The following FAAH2 variants were observed in gnomAD, a reference collection of about 807,000 sequenced individuals.
FAAH2 encodes the protein fatty acid amide hydrolase 2, also known as fatty-acid amide hydrolase 2.
FAAH2 carries 60 observed loss-of-function variants against 36.9 expected under a neutral mutation model. That is an observed-to-expected ratio of 1.63 (90% CI 1.32 to 2.02). FAAH2 has a LOEUF of 2.02. Ranked by LOEUF, FAAH2 falls within the 30% of genes most tolerant of loss-of-function variation. FAAH2 has a pLI of 0.00. For synonymous variants in FAAH2, 214 were observed against 143.8 expected, an observed-to-expected ratio of 1.49 and a Z score of -3.49; for missense variants, 689 against 397.5, an observed-to-expected ratio of 1.73 and a Z score of -6.23.
chrX:57,187,862 G>A, the FAAH2 span, among the ~76,000 whole-genome samples: 23 of 111,550 alleles, frequency 2.1e-4, no homozygotes, highest in Admixed American at 6.7e-4. Flanking sequence ...GATTGATTAC[G>A]TTTATCTATT....
At chrX:57,455,058 CA>C (rs1254532043) in intron 10 of FAAH2, among the ~76,000 whole-genome samples, 2 of 111,494 alleles carry the variant, frequency 1.8e-5, no homozygotes, top group Non-Finnish European at 3.8e-5. Flanking sequence ...AGAGAAAAAT[CA>C]GGTTACCTAC....
rs754438893 is a variant in FAAH2, at chrX:57,476,543, A to G, written c.1424-12214A>G. On this transcript the variant is annotated intron_variant, in intron 10 of 10. Transcript: ENST00000374900. ...GCATCCCAGGGATGAAGCCGACTTGATCATGGTTTATAAGCTTTTTGATGT... is the reference window on the plus strand; with the variant it reads ...GCATCCCAGGGATGAAGCCGACTTGGTCATGGTTTATAAGCTTTTTGATGT... 3.0e-4 allele frequency among the ~76,000 whole-genome samples: 33 copies of G among 111,133 alleles called. No homozygotes were observed. The South Asian group carries it at 0.013, about 42-fold the overall frequency.
At chrX:57,431,667 A>G (rs1326013607) in intron 7 of FAAH2, among the ~76,000 whole-genome samples, 2 of 111,399 alleles carry the variant, frequency 1.8e-5, no homozygotes, top group African/African-American at 3.3e-5. Context: ...GAAATTTTCT[A>G]GCATTTCCTT....
chrX:57,283,799 C>T (rs181811376), upstream of FAAH2, among the ~76,000 whole-genome samples: 60 of 112,010 alleles, frequency 5.4e-4, no homozygotes, highest in African/African-American at 1.7e-3. Context: ...AGTACCACTG[C>T]AGCTGCAATG....
chrX:57,464,207 A>C (rs2057009393), intron 10 of FAAH2, among the ~76,000 whole-genome samples: 1 of 111,057 alleles, frequency 9.0e-6, no homozygotes, highest in Admixed American at 9.6e-5. Flanking sequence ...GTTGAACAAT[A>C]AGAAGACACA....
chrX:57,341,311 T>G lies in FAAH2; in HGVS notation c.663T>G (p.Ile221Met). ...GCTLAAACSVIGVGSDIGGSI... is the reference protein window; with the variant it reads ...GCTLAAACSVMGVGSDIGGSI... ...CACTGGCAGCTGCCTGCTCAGTTATTGGTGTGGGCTCTGATATTGGTGGTA... is the reference window on the plus strand; with the variant it reads ...CACTGGCAGCTGCCTGCTCAGTTATGGGTGTGGGCTCTGATATTGGTGGTA... Residue 221 changes from isoleucine (I) to methionine (M), a missense_variant, in exon 5 of 11, where the codon ATT becomes ATG. By Grantham distance (10) the Ile-to-Met change is conservative. Transcript: ENST00000374900. 4.1e-6 allele frequency: 5 copies of G among 1,209,904 alleles called. No homozygotes were observed. The highest frequency in any genetic ancestry group is 5.6e-6 in the Non-Finnish European group (5 of 894,348).
the FAAH2 span, among the ~76,000 whole-genome samples, chrX:57,206,118 T>A: frequency 8.9e-6 from 1 of 111,828 alleles, no homozygotes; most frequent in East Asian, 2.8e-4. Context: ...TTTATGGACT[T>A]GCTTTTCAAT....
the FAAH2 span, among the ~76,000 whole-genome samples, chrX:57,271,714 G>A: frequency 5.4e-5 from 6 of 111,071 alleles, no homozygotes; most frequent in South Asian, 1.9e-3. Context: ...GAAAGGAATA[G>A]CACATCCACT....
At chrX:57,185,552 G>A in the FAAH2 span, among the ~76,000 whole-genome samples, 16 of 108,790 alleles carry the variant, frequency 1.5e-4, no homozygotes, top group East Asian at 1.2e-3. Flanking sequence ...GTGTGTGTGC[G>A]TGTTTTACTT....
At chrX:57,395,357 G>A (rs11551060) in intron 7 of FAAH2, 8 of 685,862 alleles carry the variant, frequency 1.2e-5, no homozygotes, top group South Asian at 4.3e-5. Context: ...CTTCAGTCTC[G>A]CCCTTATTTG....
At chrX:57,420,582 C>T (rs909851900) in intron 7 of FAAH2, among the ~76,000 whole-genome samples, 1 of 110,311 alleles carries the variant, frequency 9.1e-6, no homozygotes, top group Non-Finnish European at 1.9e-5. Flanking sequence ...TATCCTGAGA[C>T]TTTGCTGAAG....
the FAAH2 span, among the ~76,000 whole-genome samples, chrX:57,226,751 G>A: frequency 8.9e-6 from 1 of 112,154 alleles, no homozygotes; most frequent in East Asian, 2.8e-4. Flanking sequence ...TGTTTTCCAA[G>A]CTTTCAGAGT....
In FAAH2 at chrX:57,417,646, C is replaced by T. The variant is rs772507068; in HGVS notation, c.997-14272C>T. On this transcript the variant is annotated intron_variant, in intron 7 of 10. Coordinates refer to ENST00000374900, the MANE Select transcript of FAAH2 (RefSeq NM_174912.4). ...ACTTCCAGATGCCAGCCACATGTGT[C>T]CTGTATGAGGTGTCTGTCGACCCCT... Among the ~76,000 whole-genome samples, 5 of 111,581 alleles carry T rather than the reference C, an allele frequency of 4.5e-5. No individual in the cohort carries two copies. The Admixed American group carries it at 4.8e-4, about 11-fold the overall frequency.
intron 10 of FAAH2, among the ~76,000 whole-genome samples, chrX:57,483,248 T>G (rs941943592): frequency 1.8e-5 from 2 of 111,654 alleles, no homozygotes; most frequent in African/African-American, 3.2e-5. Flanking sequence ...ACCAGTTTAG[T>G]TTGAGAGACT....
intron 10 of FAAH2, among the ~76,000 whole-genome samples, chrX:57,487,964 G>T (rs1158527682): frequency 9.0e-6 from 1 of 111,638 alleles, no homozygotes; most frequent in Non-Finnish European, 1.9e-5. Context: ...GTCCATAAAA[G>T]AACCATTTAT....
the FAAH2 span, chrX:57,228,950 C>G: frequency 1.8e-5 from 2 of 111,771 alleles, no homozygotes; most frequent in Non-Finnish European, 3.8e-5. Context: ...CTAATTCTGA[C>G]TCTGATTTGG....
chrX:57,334,703 T>A (rs2053499499), intron 4 of FAAH2, among the ~76,000 whole-genome samples: 1 of 111,821 alleles, frequency 8.9e-6, no homozygotes, highest in Non-Finnish European at 1.9e-5. Context: ...GAATTGGGAA[T>A]GTTCCTTTAT....
chrX:57,209,862 T>A, the FAAH2 span, among the ~76,000 whole-genome samples: 1 of 111,011 alleles, frequency 9.0e-6, no homozygotes, highest in African/African-American at 3.3e-5. Flanking sequence ...AGGTTTGAAC[T>A]GCTGGTATTG....
chrX:57,327,725 T>C (rs1010755471), intron 3 of FAAH2, among the ~76,000 whole-genome samples: 6 of 111,447 alleles, frequency 5.4e-5, no homozygotes, highest in African/African-American at 2.0e-4. Flanking sequence ...TTGATTATTG[T>C]AGTTAGCCAT....
Sources: allele counts gnomAD v4.1 joint callset (sites outside exome capture counted in the v4.1 genomes callset), GRCh38; gene constraint gnomAD v4.1.1; transcripts MANE v1.5; gene names NCBI Gene and HGNC (gene_info 2026-07-23, HGNC 2026-07-21).